Variants in SEMA6D observed in about 807,000 individuals in gnomAD.
SEMA6D encodes the protein semaphorin-6D.
A neutral mutation model predicts 106.6 loss-of-function variants in SEMA6D; 35 were observed. That is an observed-to-expected ratio of 0.33 (90% CI 0.25 to 0.44). The LOEUF (loss-of-function observed/expected upper bound fraction) is 0.44, where lower values mean the gene tolerates loss of function less well. Among genes scored for constraint, SEMA6D ranks in the 20% least tolerant of loss-of-function variants. SEMA6D has a pLI of 1.00. For missense variants in SEMA6D, 1,185 were observed against 1,345.9 expected, an observed-to-expected ratio of 0.88 and a Z score of 1.87; for synonymous variants, 499 against 487.7, an observed-to-expected ratio of 1.02 and a Z score of -0.31.
chr15:47,369,555 T>G (rs1229737813), intron 1 of SEMA6D, among the ~76,000 whole-genome samples: 1 of 152,240 alleles, frequency 6.6e-6, no homozygotes, highest in Non-Finnish European at 1.5e-5. Flanking sequence ...TCTTCTTTTT[T>G]CCTTTTACTA....
At chr15:47,395,401 G>A (rs1419059533) in intron 1 of SEMA6D, among the ~76,000 whole-genome samples, 1 of 152,074 alleles carries the variant, frequency 6.6e-6, no homozygotes, top group East Asian at 1.9e-4. Context: ...AGCAAGCCCT[G>A]GTTTTCAAAC....
At chr15:47,262,823 C>T (rs888148104) in intron 1 of SEMA6D, among the ~76,000 whole-genome samples, 11 of 152,118 alleles carry the variant, frequency 7.2e-5, no homozygotes, top group Admixed American at 3.9e-4. Flanking sequence ...GTAATCAAAA[C>T]AGCATGGTAT....
At chr15:47,490,252 T>C (rs182575639) in intron 3 of SEMA6D, among the ~76,000 whole-genome samples, 2 of 152,224 alleles carry the variant, frequency 1.3e-5, no homozygotes, top group African/African-American at 2.4e-5. Flanking sequence ...GTGCTCAGTA[T>C]GTATTTAACT....
intron 2 of SEMA6D, among the ~76,000 whole-genome samples, chr15:47,417,288 G>A (rs780668021): frequency 1.3e-5 from 2 of 151,932 alleles, no homozygotes; most frequent in Admixed American, 6.6e-5. Flanking sequence ...GATGAGAAAC[G>A]TAAATTGTGT....
intron 1 of SEMA6D, among the ~76,000 whole-genome samples, chr15:47,289,393 C>CAA (rs746946975): frequency 0.011 from 478 of 44,942 alleles, 2 homozygotes; most frequent in African/African-American, 0.019. Flanking sequence ...AACTCCATCT[C>CAA]AAAAAAAAAA....
intron 4 of SEMA6D, among the ~76,000 whole-genome samples, chr15:47,710,066 C>A (rs2078986009): frequency 6.6e-6 from 1 of 152,108 alleles, no homozygotes; most frequent in Non-Finnish European, 1.5e-5. Context: ...AATGACTGGG[C>A]AATTGGATAG....
At chr15:47,467,380 A>G (rs2042696051) in intron 2 of SEMA6D, among the ~76,000 whole-genome samples, 1 of 152,208 alleles carries the variant, frequency 6.6e-6, no homozygotes, top group Non-Finnish European at 1.5e-5. Context: ...TAAAGTAATT[A>G]TGATGTAAAC....
intron 1 of SEMA6D, among the ~76,000 whole-genome samples, chr15:47,235,186 AT>A (rs2032462726): frequency 6.6e-6 from 1 of 151,668 alleles, no homozygotes; most frequent in African/African-American, 2.4e-5. Flanking sequence ...TTATGGGATT[AT>A]TTGTTTTTTT....
intron 3 of SEMA6D, among the ~76,000 whole-genome samples, chr15:47,569,803 G>C (rs2046330219): frequency 6.6e-6 from 1 of 152,170 alleles, no homozygotes; most frequent in Non-Finnish European, 1.5e-5. Flanking sequence ...GCTTACACCT[G>C]TAATCCCAGT....
rs535817358 is a variant in SEMA6D at position 47,649,860 on chromosome 15, A to G, written c.-55+48964A>G. Among the ~76,000 whole-genome samples, 3 of 152,300 alleles carry G rather than the reference A, an allele frequency of 2.0e-5. No individual in the cohort carries two copies. The East Asian group carries it at 5.8e-4, about 29-fold the overall frequency. On this transcript the variant is annotated intron_variant, in intron 4 of 19. Coordinates refer to the SEMA6D transcript ENST00000558014. ...AATGAAAAGTGAGGGCTAATAGTGT[A>G]CTCTTAAAACTTCTCAACTAGCTTA...
At chr15:47,444,454 C>T (rs7496164) in intron 2 of SEMA6D, among the ~76,000 whole-genome samples, 2 of 148,550 alleles carry the variant, frequency 1.3e-5, no homozygotes, top group Admixed American at 6.7e-5. Context: ...CCATGATGCC[C>T]GGATAAGATT....
chr15:47,308,033 ATT>A (rs34204516), intron 1 of SEMA6D, among the ~76,000 whole-genome samples: 1 of 145,632 alleles, frequency 6.9e-6, no homozygotes. Context: ...TGGCCTGGCT[ATT>A]TTTTTTTTTT....
intron 1 of SEMA6D, among the ~76,000 whole-genome samples, chr15:47,264,444 T>C (rs1025866275): frequency 6.6e-6 from 1 of 152,062 alleles, no homozygotes; most frequent in African/African-American, 2.4e-5. Context: ...TATGCTAACT[T>C]CATGTTTAAT....
chr15:47,439,699 A>C (rs1174354870), intron 2 of SEMA6D, among the ~76,000 whole-genome samples: 1 of 152,170 alleles, frequency 6.6e-6, no homozygotes, highest in African/African-American at 2.4e-5. Context: ...TGAACACTTT[A>C]TACCTAATTT....
chr15:47,231,227 C>G (rs1034488764), intron 1 of SEMA6D, among the ~76,000 whole-genome samples: 1 of 151,918 alleles, frequency 6.6e-6, no homozygotes, highest in Non-Finnish European at 1.5e-5. Flanking sequence ...AGGCAGTTCT[C>G]TCATCCTGTC....
At chr15:47,364,680 T>C (rs919181367) in intron 1 of SEMA6D, among the ~76,000 whole-genome samples, 2 of 152,146 alleles carry the variant, frequency 1.3e-5, no homozygotes, top group Non-Finnish European at 2.9e-5. Context: ...ACGGCCTCTT[T>C]CCAGTGCCCC....
chr15:47,751,571 AG>A (rs1286247544), intron 1 of SEMA6D, among the ~76,000 whole-genome samples: 1 of 152,046 alleles, frequency 6.6e-6, no homozygotes, highest in Non-Finnish European at 1.5e-5. Flanking sequence ...TTCTTCCTTT[AG>A]TTACAGCATT....
chr15:47,603,215 C>T (rs2076700582), intron 4 of SEMA6D, among the ~76,000 whole-genome samples: 1 of 152,094 alleles, frequency 6.6e-6, no homozygotes, highest in African/African-American at 2.4e-5. Context: ...CCCTTAGTCA[C>T]CCGTGACTCA....
intron 1 of SEMA6D, among the ~76,000 whole-genome samples, chr15:47,300,996 T>C (rs1287043387): frequency 6.6e-6 from 1 of 152,204 alleles, no homozygotes; most frequent in African/African-American, 2.4e-5. Flanking sequence ...CTCACTTGCT[T>C]CCTCCATGGA....
Sources: gnomAD v4.1 joint callset for allele counts (sites outside exome capture counted in the v4.1 genomes callset) on GRCh38, gnomAD v4.1.1 for gene constraint, MANE v1.5 for transcripts, NCBI Gene and HGNC (gene_info 2026-07-23, HGNC 2026-07-21) for gene names.